LAMC2: variants seen among roughly 807,000 people sequenced by gnomAD.
The protein encoded by LAMC2 is laminin subunit gamma 2.
In LAMC2, 97 loss-of-function variants were observed where a neutral mutation model predicts 140.2. The ratio of observed to expected loss-of-function variants is 0.69; its 90% CI spans 0.59 to 0.82. LAMC2 has a LOEUF of 0.82. Among genes scored for constraint, LAMC2 ranks in the 40% least tolerant of loss-of-function variants. The pLI, the probability that LAMC2 is intolerant of heterozygous loss-of-function variation, is 0.00. For missense variants in LAMC2, 1,402 were observed against 1,476.1 expected (o/e 0.95, Z 0.82); for synonymous variants, 513 against 540.2 (o/e 0.95, Z 0.70).
intron 16 of LAMC2, among the ~76,000 whole-genome samples, 159 bp from the exon 17 acceptor site, chr1:183,236,300 GA>G (rs1659959117): frequency 6.6e-6 from 1 of 151,090 alleles, no homozygotes; most frequent in African/African-American, 2.4e-5. Flanking sequence ...GAATTGGGAG[GA>G]TTGCTTGAGC....
chr1:183,213,309 G>A (rs113109640), intron 2 of LAMC2, among the ~76,000 whole-genome samples: 1 of 152,204 alleles, frequency 6.6e-6, no homozygotes, highest in African/African-American at 2.4e-5. Context: ...GACTCAAACT[G>A]TAAATGTGAC....
In LAMC2 at chr1:183,228,215, C is replaced by T. The variant is rs1297355431; in HGVS notation, c.1469-159C>T. ...GTGGGCATGGAGAGAGAGGGCCAGC[C>T]CTGCCTTGCATGCCTGCTCCTGAGG... is the stretch of plus-strand genomic sequence containing the variant. On this transcript the variant is annotated intron_variant, in intron 10 of 22. Transcript: ENST00000264144. This position sits in a 1 kb window ranked among gnomAD's most constrained non-coding sequence, Gnocchi z 4.3. Among the ~76,000 whole-genome samples the T allele has an allele frequency of 6.6e-6, 1 of 152,198 alleles. No homozygotes were observed. The highest frequency in any genetic ancestry group is 1.5e-5 in the Non-Finnish European group (1 of 68,028).
chr1:183,215,742 C>T (rs188517123), intron 3 of LAMC2, among the ~76,000 whole-genome samples, 154 bp downstream of exon 3: 1 of 152,304 alleles, frequency 6.6e-6, no homozygotes, highest in African/African-American at 2.4e-5. Context: ...CCTCACAATA[C>T]CCCTAAGAGG....
In LAMC2 at chr1:183,243,472, A is replaced by T; in HGVS notation, c.*72A>T. ...CAGGGCTCGGGAGCCATGTCATGTG[A>T]GTGGGTGGGATGGGGACATTTGAAC... On this transcript the variant is annotated 3_prime_UTR_variant, in exon 23 of 23. Transcript: ENST00000264144. 6.3e-7 allele frequency: 1 copy of T among 1,584,220 alleles called. No homozygotes were observed. Among genetic ancestry groups the T allele is most frequent in the East Asian group, 2.2e-5 (1 of 44,736 alleles).
Position 183,186,344 on chromosome 1 carries a change from G to T in LAMC2, c.-9G>T. ...AGCGGAGACAGAGACTGAGCGGCCCGGCCCCGCCATGCCTGCGCTCTGGCT... is the reference window on the plus strand; with the variant it reads ...AGCGGAGACAGAGACTGAGCGGCCCTGCCCCGCCATGCCTGCGCTCTGGCT... On this transcript the variant is annotated 5_prime_UTR_variant, in exon 1 of 23. Coordinates refer to ENST00000264144, the MANE Select transcript of LAMC2 (RefSeq NM_005562.3). 6.3e-7 allele frequency: 1 copy of T among 1,591,720 alleles called. No individual in the cohort carries two copies.
At chr1:183,253,732 A>C in the LAMC2 span, among the ~76,000 whole-genome samples, 15 of 152,126 alleles carry the variant, frequency 9.9e-5, no homozygotes, top group African/African-American at 3.6e-4. Context: ...GACCCTGGTA[A>C]TCATTGTTTT....
chr1:183,215,360 C>T (rs1016515685), intron 2 of LAMC2, 93 bp from the exon 3 acceptor site: 21 of 1,404,750 alleles, frequency 1.5e-5, no homozygotes, highest in African/African-American at 9.9e-5. Context: ...TTCGTGTTTA[C>T]GGAGCACCCA....
rs1443085559 is a variant in LAMC2, at chr1:183,236,544, C to G, written c.2541C>G (p.His847Gln). Residue 847 changes from histidine to glutamine, a missense_variant, in exon 17 of 23, where the codon CAC becomes CAG. Around this residue, in one of 3 missense-constraint regions of LAMC2, gnomAD observed 670 missense variants for 667.2 expected, o/e 1.00. Coordinates refer to ENST00000264144, the MANE Select transcript of LAMC2 (RefSeq NM_005562.3). ...AEIEADRSYQ[H>Q]SLRLLDSVSR... ...TTGAAGCAGATAGGTCTTATCAGCACAGTCTCCGCCTCCTGGATTCAGTGT... is the reference window on the plus strand; with the variant it reads ...TTGAAGCAGATAGGTCTTATCAGCAGAGTCTCCGCCTCCTGGATTCAGTGT... The G allele has an allele frequency of 6.2e-7, 1 of 1,614,052 alleles. No homozygotes were observed. Among genetic ancestry groups the G allele is most frequent in the Non-Finnish European group, 8.5e-7 (1 of 1,180,032 alleles).
chr1:183,237,415 A>G lies in LAMC2; in HGVS notation c.2665A>G (p.Met889Val). 6.2e-7 allele frequency: 1 copy of G among 1,613,824 alleles called. No individual in the cohort carries two copies. The highest frequency in any genetic ancestry group is 1.7e-5 in the Admixed American group (1 of 60,030). Residue 889 changes from methionine to valine, a missense_variant, in exon 18 of 23, where the codon ATG (methionine) becomes GTG (valine). Met to Val is a conservative substitution (Grantham distance 21). This residue lies in a region of LAMC2 where 670 missense variants were observed against 667.2 expected (regional missense o/e 1.00). Transcript: ENST00000264144. ...DSLSSLVTRH[M>V]DEFKRTQKNL... ...ACTCTCAAGCCTGGTAACCAGGCAT[A>G]TGGATGAGTTCAAGCGTACACAGAA...
Position 183,227,483 on chromosome 1 carries a change from TCTCTGCCCCTCCA to T in LAMC2, c.1286-27_1286-15del, listed in dbSNP as rs1329101103. 1 of 1,590,746 alleles carries T rather than the reference TCTCTGCCCCTCCA, an allele frequency of 6.3e-7. No individual in the cohort carries two copies. Among genetic ancestry groups the T allele is most frequent in the Non-Finnish European group, 8.6e-7 (1 of 1,158,972 alleles). On this transcript the variant is annotated intron_variant, in intron 9 of 22. Coordinates refer to ENST00000264144, the MANE Select transcript of LAMC2 (RefSeq NM_005562.3). The stretch of plus-strand genomic sequence containing the variant: ...AATGTATTGTCTGACCCTGCTCACT[TCTCTGCCCCTCCA>T]CTCTTCTCCTACCCCCAGGAGATTG...
chr1:183,195,322 T>G (rs1378254620), intron 1 of LAMC2, among the ~76,000 whole-genome samples: 9 of 151,986 alleles, frequency 5.9e-5, no homozygotes, highest in Admixed American at 5.9e-4. Flanking sequence ...TACTATGAAC[T>G]CTCGGTGAAA....
intron 1 of LAMC2, among the ~76,000 whole-genome samples, chr1:183,195,856 C>G (rs572977): frequency 0.32 from 48,247 of 152,004 alleles, 7,984 homozygotes; most frequent in East Asian, 0.43. Context: ...CTTAAGCCGA[C>G]AAACATATTA....
intron 11 of LAMC2, among the ~76,000 whole-genome samples, chr1:183,229,093 G>A (rs976855931): frequency 1.3e-5 from 2 of 152,214 alleles, no homozygotes; most frequent in Non-Finnish European, 2.9e-5. Flanking sequence ...ACAGTCAACA[G>A]TTCTCCTAAC....
At chr1:183,241,527 T>C (rs1044251518) in intron 22 of LAMC2, among the ~76,000 whole-genome samples, 1 of 152,218 alleles carries the variant, frequency 6.6e-6, no homozygotes, top group Non-Finnish European at 1.5e-5. Flanking sequence ...TATCAAACCC[T>C]CATTTGGTCT....
chr1:183,194,140 G>A (rs1025588735), intron 1 of LAMC2, among the ~76,000 whole-genome samples: 5 of 151,478 alleles, frequency 3.3e-5, no homozygotes, highest in Admixed American at 2.0e-4. Context: ...GCCTGGTCTC[G>A]AACTCCTGAT....
At chr1:183,226,642 C>T (rs1458990720) in intron 8 of LAMC2, 56 bp from the exon 9 acceptor site, 23 of 1,416,232 alleles carry the variant, frequency 1.6e-5, no homozygotes, top group Non-Finnish European at 2.2e-5. Flanking sequence ...AGAGATCTGA[C>T]TTGAGATCTT....
intron 7 of LAMC2, among the ~76,000 whole-genome samples, chr1:183,225,109 T>C (rs1231772629): frequency 6.6e-6 from 1 of 152,226 alleles, no homozygotes; most frequent in Non-Finnish European, 1.5e-5. Flanking sequence ...TGGTGATATG[T>C]TACAGTGAGC....
Position 183,244,388 on chromosome 1 carries a change from C to CTTCCATCCATCT in LAMC2, c.*999_*1010dup, listed in dbSNP as rs1200048408. ...GGTCACATCCATCCCTCCATTCATC[C>CTTCCATCCATCT]TTCCATCCATCTTTCCATCCATTAC... On this transcript the variant is annotated 3_prime_UTR_variant, in exon 23 of 23. Transcript: ENST00000264144. 1 of 152,206 alleles carries CTTCCATCCATCT rather than the reference C, an allele frequency of 6.6e-6. No homozygotes were observed. The highest frequency in any genetic ancestry group is 1.5e-5 in the Non-Finnish European group (1 of 68,062). The allele number at this position is 152,206 out of a possible 1,614,324, so 9.4% of individuals were successfully genotyped here.
chr1:183,187,099 A>G (rs768779907), intron 1 of LAMC2, among the ~76,000 whole-genome samples: 3 of 152,218 alleles, frequency 2.0e-5, no homozygotes, highest in Non-Finnish European at 4.4e-5. Context: ...AACTGTAAGC[A>G]TGTGTCAGCT....
Sources: allele counts gnomAD v4.1 joint callset (sites outside exome capture counted in the v4.1 genomes callset), GRCh38; gene constraint gnomAD v4.1.1; regional missense constraint gnomAD v4.1.1; non-coding constraint Gnocchi (gnomAD v3.1); transcripts MANE v1.5; gene names NCBI Gene and HGNC (gene_info 2026-07-23, HGNC 2026-07-21).